Variants in OXR1 observed in about 807,000 individuals in gnomAD.
OXR1 encodes the protein oxidation resistance 1.
Under a neutral mutation model 104.6 loss-of-function variants are expected in OXR1, and 41 were observed. The observed-to-expected ratio is 0.39, with a 90% CI of 0.31 to 0.51. OXR1 has a LOEUF of 0.51. Among genes scored for constraint, OXR1 ranks in the 20% least tolerant of loss-of-function variants. The pLI is 0.77. For missense variants in OXR1, 955 were observed against 1,031.9 expected (o/e 0.93, Z 1.02); for synonymous variants, 348 against 348.4 (o/e 1.00, Z 0.01).
rs185861927 is a variant in OXR1, at chr8:106,563,141, C to T, written c.220+44002C>T. 2.1e-3 allele frequency among the ~76,000 whole-genome samples: 314 copies of T among 151,920 alleles called. 1 individual carries two copies. Among genetic ancestry groups the T allele is most frequent in the African/African-American group, 6.8e-3 (282 of 41,434 alleles). ...TAACAATATTAACCTTAAATGTTAA[C>T]GGGCCAAATGTCTCAGTTAAAAGGC... is the stretch of plus-strand genomic sequence containing the variant. On this transcript the variant is annotated intron_variant, in intron 3 of 16. Transcript: ENST00000517566.
At chr8:106,558,760 G>C (rs1816466633) in intron 3 of OXR1, among the ~76,000 whole-genome samples, 1 of 152,124 alleles carries the variant, frequency 6.6e-6, no homozygotes, top group Non-Finnish European at 1.5e-5. Flanking sequence ...CAAGTGAGAT[G>C]AATCACATAG....
chr8:106,596,028 T>C (rs1819501821), intron 3 of OXR1, among the ~76,000 whole-genome samples: 1 of 152,242 alleles, frequency 6.6e-6, no homozygotes, highest in Non-Finnish European at 1.5e-5. Flanking sequence ...TAAATATAAA[T>C]TTTAGCAAAA....
chr8:106,668,024 T>A (rs956789666), intron 3 of OXR1, among the ~76,000 whole-genome samples: 1 of 152,048 alleles, frequency 6.6e-6, no homozygotes, highest in Admixed American at 6.6e-5. Flanking sequence ...TGTTTCAGTT[T>A]TAGGTGGGAT....
chr8:106,559,158 C>T (rs1448864754), intron 3 of OXR1, among the ~76,000 whole-genome samples: 2 of 152,198 alleles, frequency 1.3e-5, no homozygotes, highest in East Asian at 3.8e-4. Context: ...CTCCACAAAA[C>T]ACTGGGACAC....
intron 3 of OXR1, among the ~76,000 whole-genome samples, chr8:106,576,642 A>T (rs1817860959): frequency 6.6e-6 from 1 of 152,080 alleles, no homozygotes; most frequent in South Asian, 2.1e-4. Context: ...GGGTGATTTT[A>T]AAAATCATTA....
intron 2 of OXR1, among the ~76,000 whole-genome samples, chr8:106,388,803 A>G (rs1817483572): frequency 6.6e-6 from 1 of 152,342 alleles, no homozygotes; most frequent in East Asian, 1.9e-4. Flanking sequence ...TGAAGCTCGT[A>G]TGTTCCTGCT....
At chr8:106,451,344 T>G (rs1308728815) in intron 2 of OXR1, among the ~76,000 whole-genome samples, 6 of 152,222 alleles carry the variant, frequency 3.9e-5, no homozygotes, top group Non-Finnish European at 5.9e-5. Context: ...ATATATATTT[T>G]ATTTATACAG....
At chr8:106,328,268 A>T (rs1814561470) in intron 1 of OXR1, among the ~76,000 whole-genome samples, 1 of 152,204 alleles carries the variant, frequency 6.6e-6, no homozygotes, top group African/African-American at 2.4e-5. Context: ...TGGGAAACTG[A>T]TATGGATTAA....
chr8:106,630,016 A>G (rs1822528576), intron 3 of OXR1, among the ~76,000 whole-genome samples: 1 of 152,240 alleles, frequency 6.6e-6, no homozygotes, highest in Non-Finnish European at 1.5e-5. Context: ...CATTTATTAG[A>G]CAAACATTAA....
intron 1 of OXR1, among the ~76,000 whole-genome samples, chr8:106,359,103 G>T (rs1434691664): frequency 1.0e-4 from 10 of 97,126 alleles, no homozygotes; most frequent in African/African-American, 4.0e-4. Context: ...TTCTTTCTTT[G>T]CTATGGGCTA....
In OXR1 at chr8:106,518,959, C is replaced by T; in HGVS notation, c.40C>T (p.Gln14Ter). 1 of 1,550,536 alleles carries T rather than the reference C, an allele frequency of 6.4e-7. No homozygotes were observed. The highest frequency in any genetic ancestry group is 8.7e-7 in the Non-Finnish European group (1 of 1,146,326). Residue 14 changes from glutamine to a stop codon, truncating the protein, a stop_gained, in exon 3 of 17, where the codon CAG becomes TAG. Coordinates refer to ENST00000517566, the MANE Select transcript of OXR1 (RefSeq NM_001198533.2). LOFTEE classifies it high-confidence loss of function. ...SNLSWLKKKS[Q>*]SVDINAPGFN... ...TACTTGTAGGCTGAAGAAAAAGTCC[C>T]AGTCGGTGGATATTAATGCTCCAGG...
chr8:106,666,268 A>G (rs1333029157), intron 3 of OXR1, among the ~76,000 whole-genome samples: 5 of 152,204 alleles, frequency 3.3e-5, no homozygotes, highest in African/African-American at 4.8e-5. Context: ...ACTACTCAAT[A>G]GAATTTTTTG....
chr8:106,388,572 A>C (rs374775943), intron 2 of OXR1, among the ~76,000 whole-genome samples: 1 of 151,898 alleles, frequency 6.6e-6, no homozygotes, highest in Non-Finnish European at 1.5e-5. Flanking sequence ...ACAGGTGCCC[A>C]CCACCACACC....
chr8:106,361,985 A>G (rs764226937), intron 2 of OXR1, among the ~76,000 whole-genome samples: 2 of 152,208 alleles, frequency 1.3e-5, no homozygotes, highest in Non-Finnish European at 2.9e-5. Flanking sequence ...GGAGAGCTAC[A>G]TGCTTCCAGT....
intron 3 of OXR1, among the ~76,000 whole-genome samples, chr8:106,671,287 C>T (rs980231606): frequency 6.6e-6 from 1 of 151,892 alleles, no homozygotes; most frequent in African/African-American, 2.4e-5. Flanking sequence ...AAGAAAGTAC[C>T]TGCCACCTAG....
chr8:106,449,981 A>T (rs558556119), intron 2 of OXR1, among the ~76,000 whole-genome samples: 2 of 152,290 alleles, frequency 1.3e-5, no homozygotes, highest in African/African-American at 4.8e-5. Context: ...CATTACTCTG[A>T]AACTTGATAT....
intron 7 of OXR1, among the ~76,000 whole-genome samples, chr8:106,694,992 T>G (rs1331138566): frequency 1.4e-5 from 2 of 145,370 alleles, no homozygotes; most frequent in Non-Finnish European, 3.0e-5. Context: ...ATATCTTTAA[T>G]ATGTCACATT....
At chr8:106,603,048 C>G (rs1211374788) in intron 3 of OXR1, among the ~76,000 whole-genome samples, 1 of 152,174 alleles carries the variant, frequency 6.6e-6, no homozygotes, top group African/African-American at 2.4e-5. Context: ...TTAAAAGCAT[C>G]TTTGCCATTT....
At chr8:106,487,021 C>CTTTTT (rs11296936) in intron 2 of OXR1, among the ~76,000 whole-genome samples, 13 of 129,696 alleles carry the variant, frequency 1.0e-4, no homozygotes, top group Non-Finnish European at 3.2e-5. Flanking sequence ...AATCCAGACA[C>CTTTTT]TTTTTTTTTT....
Sources: gnomAD v4.1 joint callset for allele counts (sites outside exome capture counted in the v4.1 genomes callset) on GRCh38, gnomAD v4.1.1 for gene constraint, MANE v1.5 for transcripts, NCBI Gene and HGNC (gene_info 2026-07-23, HGNC 2026-07-21) for gene names.